ARB2A: variants seen among roughly 807,000 people sequenced by gnomAD.
The protein encoded by ARB2A is cotranscriptional regulator ARB2A.
the ARB2A span, among the ~76,000 whole-genome samples, chr5:93,822,483 T>C: frequency 6.6e-6 from 1 of 152,222 alleles, no homozygotes; most frequent in Non-Finnish European, 1.5e-5. Flanking sequence ...ATTTATGTTT[T>C]ATAGAACTCT....
At chr5:94,019,444 GA>G in the ARB2A span, among the ~76,000 whole-genome samples, 1 of 151,454 alleles carries the variant, frequency 6.6e-6, no homozygotes, top group Non-Finnish European at 1.5e-5. Context: ...AAACTTACAA[GA>G]AAAAAAACAA....
chr5:93,941,105 A>G, the ARB2A span, among the ~76,000 whole-genome samples: 1 of 152,168 alleles, frequency 6.6e-6, no homozygotes, highest in Non-Finnish European at 1.5e-5. Flanking sequence ...ACTTTTCTCT[A>G]GGGAAGTTAT....
the ARB2A span, among the ~76,000 whole-genome samples, chr5:93,801,448 C>A: frequency 6.6e-6 from 1 of 152,052 alleles, no homozygotes; most frequent in East Asian, 1.9e-4. Context: ...AAGAAAGATG[C>A]AACCAAGGAT....
the ARB2A span, among the ~76,000 whole-genome samples, chr5:93,838,975 T>A: frequency 2.0e-5 from 3 of 152,272 alleles, no homozygotes; most frequent in East Asian, 5.8e-4. Context: ...TAGAATCATG[T>A]CATCTGCACA....
At chr5:93,776,080 A>C in the ARB2A span, 2 of 1,175,620 alleles carry the variant, frequency 1.7e-6, no homozygotes, top group Non-Finnish European at 2.4e-6. Context: ...TAATTCACAA[A>C]ACAGAATTCT....
chr5:94,023,557 G>T, the ARB2A span, among the ~76,000 whole-genome samples: 1 of 152,180 alleles, frequency 6.6e-6, no homozygotes, highest in Non-Finnish European at 1.5e-5. Context: ...ACCTGATGTG[G>T]TCTAATAGTA....
chr5:94,053,011 A>G, the ARB2A span: 1 of 459,910 alleles, frequency 2.2e-6, no homozygotes, highest in Non-Finnish European at 3.8e-6. Flanking sequence ...GGCCTTTAAA[A>G]GTAGCAAATA....
chr5:94,090,001 T>C, the ARB2A span, among the ~76,000 whole-genome samples: 1 of 152,146 alleles, frequency 6.6e-6, no homozygotes, highest in African/African-American at 2.4e-5. Flanking sequence ...TTTCAGTCAG[T>C]TCTGAATAAG....
At chr5:93,642,073 C>T in the ARB2A span, among the ~76,000 whole-genome samples, 11 of 152,216 alleles carry the variant, frequency 7.2e-5, no homozygotes, top group South Asian at 2.3e-3. Flanking sequence ...CTCCATCACC[C>T]AGGCCCAAGT....
At chr5:93,904,562 C>T in the ARB2A span, among the ~76,000 whole-genome samples, 2 of 151,702 alleles carry the variant, frequency 1.3e-5, no homozygotes, top group Non-Finnish European at 3.0e-5. Context: ...GATGATCTTA[C>T]ATTTTACTCT....
chr5:94,048,677 C>T, the ARB2A span, among the ~76,000 whole-genome samples: 2 of 152,168 alleles, frequency 1.3e-5, no homozygotes, highest in Admixed American at 6.5e-5. Context: ...AGGATTGTAT[C>T]ACAGCTGACG....
the ARB2A span, among the ~76,000 whole-genome samples, chr5:93,715,399 CA>C: frequency 1.2e-4 from 18 of 152,286 alleles, no homozygotes; most frequent in Non-Finnish European, 2.5e-4. Flanking sequence ...TTTGTCATAA[CA>C]TGTGTTACTG....
the ARB2A span, among the ~76,000 whole-genome samples, chr5:94,034,058 AG>A: frequency 6.6e-6 from 1 of 152,324 alleles, no homozygotes; most frequent in East Asian, 1.9e-4. Flanking sequence ...ATGCAGCATG[AG>A]GCCCTCACCA....
chr5:93,814,962 C>T, the ARB2A span, among the ~76,000 whole-genome samples: 384 of 152,172 alleles, frequency 2.5e-3, 3 homozygotes, highest in Middle Eastern at 0.01. Flanking sequence ...CTCAGCCTCC[C>T]GAATAGCTGG....
chr5:94,061,852 A>G, the ARB2A span, among the ~76,000 whole-genome samples: 16,051 of 152,284 alleles, frequency 0.11, 966 homozygotes, highest in Middle Eastern at 0.16. Flanking sequence ...TATAGATATC[A>G]ATTCTCCCCA....
chr5:93,732,161 T>C, the ARB2A span, among the ~76,000 whole-genome samples: 1 of 152,136 alleles, frequency 6.6e-6, no homozygotes, highest in Non-Finnish European at 1.5e-5. Flanking sequence ...GTCGCCATGA[T>C]CATGCTAATG....
the ARB2A span, among the ~76,000 whole-genome samples, chr5:93,644,811 A>G: frequency 6.6e-6 from 1 of 152,194 alleles, no homozygotes; most frequent in Non-Finnish European, 1.5e-5. Flanking sequence ...TGCCACGGTG[A>G]TATGATATGA....
chr5:93,729,660 A>T, the ARB2A span, among the ~76,000 whole-genome samples: 2 of 152,152 alleles, frequency 1.3e-5, no homozygotes, highest in Non-Finnish European at 2.9e-5. Flanking sequence ...ACAATTGCTT[A>T]TAGTTTTAAA....
chr5:93,781,842 C>T, the ARB2A span: 1 of 975,598 alleles, frequency 1.0e-6, no homozygotes, highest in Non-Finnish European at 1.2e-6. Flanking sequence ...TTTAAACATA[C>T]TTAAACATAC....
Sources: allele counts gnomAD v4.1 joint callset (sites outside exome capture counted in the v4.1 genomes callset), GRCh38; gene constraint gnomAD v4.1.1; transcripts MANE v1.5; gene names NCBI Gene and HGNC (gene_info 2026-07-23, HGNC 2026-07-21).